Variants in PCSK5 observed in about 807,000 individuals in gnomAD.
The protein encoded by PCSK5 is proprotein convertase subtilisin/kexin type 5.
A neutral mutation model predicts 233.2 loss-of-function variants in PCSK5; 129 were observed. The observed-to-expected ratio is 0.55, with a 90% confidence interval of 0.48 to 0.64. PCSK5 has a LOEUF of 0.64. Ranked by LOEUF, PCSK5 falls within the 30% of genes least tolerant of loss-of-function variation. The pLI is 0.00. For missense variants in PCSK5, 2,076 were observed against 2,430.1 expected (o/e 0.85, Z 3.06); for synonymous variants, 825 against 879.2 (o/e 0.94, Z 1.09).
chr9:75,988,750 A>G (rs1338783946), intron 3 of PCSK5, among the ~76,000 whole-genome samples: 2 of 152,012 alleles, frequency 1.3e-5, no homozygotes, highest in African/African-American at 2.4e-5. Flanking sequence ...GAACAAATGC[A>G]TGTGTTAAAA....
intron 30 of PCSK5, among the ~76,000 whole-genome samples, chr9:76,313,915 G>C (rs985686254): frequency 6.6e-6 from 1 of 152,096 alleles, no homozygotes; most frequent in Non-Finnish European, 1.5e-5. Flanking sequence ...CCTATCAACC[G>C]AGCTCCACCC....
chr9:76,000,858 A>G (rs1827231003), intron 3 of PCSK5, among the ~76,000 whole-genome samples: 1 of 151,320 alleles, frequency 6.6e-6, no homozygotes, highest in Non-Finnish European at 1.5e-5. Context: ...TTCCATTATT[A>G]TCTTGCATAT....
At chr9:75,898,546 C>A (rs965706152) in intron 1 of PCSK5, among the ~76,000 whole-genome samples, 4 of 152,030 alleles carry the variant, frequency 2.6e-5, no homozygotes, top group African/African-American at 4.8e-5. Context: ...GGTCACATGT[C>A]CTCCCTCAAA....
intron 9 of PCSK5, among the ~76,000 whole-genome samples, chr9:76,115,059 A>T (rs1186664890): frequency 6.6e-6 from 1 of 152,118 alleles, no homozygotes; most frequent in African/African-American, 2.4e-5. Context: ...GAAAAGCAAA[A>T]AAATCAAGAT....
chr9:76,293,206 G>A (rs970336657), intron 25 of PCSK5, among the ~76,000 whole-genome samples: 6 of 152,138 alleles, frequency 3.9e-5, no homozygotes, highest in Admixed American at 1.3e-4. Flanking sequence ...AAGAGAAGGC[G>A]ACCCACCTGT....
intron 10 of PCSK5, among the ~76,000 whole-genome samples, chr9:76,145,115 A>G (rs1330221513): frequency 6.6e-6 from 1 of 151,884 alleles, no homozygotes; most frequent in African/African-American, 2.4e-5. Context: ...ACAGAGCAAG[A>G]CTCCATCTTA....
At chr9:76,121,776 C>T (rs992031630) in intron 9 of PCSK5, among the ~76,000 whole-genome samples, 87 of 151,644 alleles carry the variant, frequency 5.7e-4, no homozygotes, top group African/African-American at 2.0e-3. Flanking sequence ...TAGAAGAAAT[C>T]CCAGTATTTT....
At chr9:76,015,172 GC>G (rs1827897396) in intron 3 of PCSK5, among the ~76,000 whole-genome samples, 1 of 152,170 alleles carries the variant, frequency 6.6e-6, no homozygotes, top group Admixed American at 6.5e-5. Context: ...GAGCAACAGT[GC>G]CCAAGGGCAG....
chr9:76,120,959 A>G (rs1194202743), intron 9 of PCSK5, among the ~76,000 whole-genome samples: 1 of 152,156 alleles, frequency 6.6e-6, no homozygotes, highest in African/African-American at 2.4e-5. Context: ...TGCTAGGATT[A>G]AGTGAACTTA....
chr9:76,125,319 C>A (rs11144756), intron 9 of PCSK5, among the ~76,000 whole-genome samples: 43,133 of 151,918 alleles, frequency 0.28, 6,481 homozygotes, highest in Non-Finnish European at 0.34. Context: ...AGAGGCTGAA[C>A]GTCCAGTCCC....
At position 76,335,121 on chromosome 9, in the gene PCSK5, T is replaced by TG. The variant is rs1220566937; in HGVS notation, c.4748+2513dup. Among the ~76,000 whole-genome samples, 10 of 152,278 alleles carry TG rather than the reference T, an allele frequency of 6.6e-5. No individual in the cohort carries two copies. The East Asian group carries it at 1.9e-3, about 29-fold the overall frequency. On this transcript the variant is annotated intron_variant, in intron 34 of 37. Transcript: ENST00000674117. ...AAACAAAAACAGGAATGAAGCTACC[T>TG]GGCTTAGCCCTTCTGCATCACCCTA...
At chr9:76,316,352 A>G (rs1829031444) in intron 30 of PCSK5, among the ~76,000 whole-genome samples, 1 of 152,162 alleles carries the variant, frequency 6.6e-6, no homozygotes, top group South Asian at 2.1e-4. Flanking sequence ...GGTTAGCCGA[A>G]GAGAAAGACC....
intron 32 of PCSK5, among the ~76,000 whole-genome samples, 167 bp downstream of exon 32, chr9:76,323,455 C>G (rs1211897992): frequency 6.6e-6 from 1 of 152,162 alleles, no homozygotes; most frequent in Non-Finnish European, 1.5e-5. Flanking sequence ...ACGAACATGG[C>G]TCACTGAAGC....
chr9:76,259,004 G>A lies in PCSK5; in HGVS notation c.3142+18320G>A, dbSNP rs866386506. ...ACTTGGGACCCTAGCAAGCAACCAG[G>A]GAGAGCATCAGAGCTATGCCCAATT... On this transcript the variant is annotated intron_variant, in intron 24 of 37. Transcript: ENST00000674117. Among the ~76,000 whole-genome samples the A allele has an allele frequency of 3.4e-4, 51 of 152,120 alleles. 1 individual carries two copies. Among genetic ancestry groups the A allele is most frequent in the Admixed American group, 1.6e-3 (25 of 15,276 alleles).
intron 35 of PCSK5, among the ~76,000 whole-genome samples, chr9:76,349,359 C>A (rs183620705): frequency 6.6e-6 from 1 of 151,904 alleles, no homozygotes; most frequent in Non-Finnish European, 1.5e-5. Flanking sequence ...ATTGATTCTT[C>A]CATCAGAGAC....
At chr9:76,217,103 G>A (rs932514447) in intron 20 of PCSK5, among the ~76,000 whole-genome samples, 4 of 152,132 alleles carry the variant, frequency 2.6e-5, no homozygotes, top group Admixed American at 6.6e-5. Flanking sequence ...GGTTACAGGC[G>A]TGAGCCACCA....
intron 27 of PCSK5, among the ~76,000 whole-genome samples, chr9:76,297,594 C>T (rs1226858533): frequency 6.6e-6 from 1 of 152,176 alleles, no homozygotes; most frequent in Non-Finnish European, 1.5e-5. Context: ...TACAAACTTT[C>T]AGCGACCCCT....
At chr9:76,161,496 T>C (rs1019613215) in intron 12 of PCSK5, among the ~76,000 whole-genome samples, 1 of 152,032 alleles carries the variant, frequency 6.6e-6, no homozygotes, top group Admixed American at 6.6e-5. Context: ...TGAAAATGTA[T>C]CCTGGTGAAA....
At chr9:76,235,589 T>G (rs137942471) in intron 22 of PCSK5, among the ~76,000 whole-genome samples, 1 of 152,148 alleles carries the variant, frequency 6.6e-6, no homozygotes, top group East Asian at 1.9e-4. Flanking sequence ...ATGAGATAAA[T>G]GATAGCATGA....
Sources: allele counts gnomAD v4.1 joint callset (sites outside exome capture counted in the v4.1 genomes callset), GRCh38; gene constraint gnomAD v4.1.1; transcripts MANE v1.5; gene names NCBI Gene and HGNC (gene_info 2026-07-23, HGNC 2026-07-21).